Variants in ERC1 observed in about 807,000 individuals in gnomAD.
ERC1 encodes the protein RAB6 interacting protein 2.
Under a neutral mutation model 132.0 loss-of-function variants are expected in ERC1, and 56 were observed. The ratio of observed to expected loss-of-function variants is 0.42; its 90% CI spans 0.34 to 0.53. The LOEUF is 0.53. Among genes scored for constraint, ERC1 ranks in the 20% least tolerant of loss-of-function variants. The pLI is 0.03. For synonymous variants in ERC1, 478 were observed against 476.1 expected, an observed-to-expected ratio of 1.00 and a Z score of -0.05; for missense variants, 1,202 against 1,349.9, an observed-to-expected ratio of 0.89 and a Z score of 1.72.
At chr12:1,140,253 T>A (rs1949741143) in intron 7 of ERC1, among the ~76,000 whole-genome samples, 1 of 152,110 alleles carries the variant, frequency 6.6e-6, no homozygotes, top group Non-Finnish European at 1.5e-5. Flanking sequence ...TGTTAAGAAA[T>A]TTTCCATACT....
At chr12:1,309,639 A>T (rs2081141708) in intron 15 of ERC1, among the ~76,000 whole-genome samples, 1 of 148,392 alleles carries the variant, frequency 6.7e-6, no homozygotes, top group Non-Finnish European at 1.5e-5. Context: ...GTTATCTCTC[A>T]CTCTTGCTCT....
intron 1 of ERC1, among the ~76,000 whole-genome samples, chr12:1,018,779 T>G (rs1169234595): frequency 6.6e-6 from 1 of 152,170 alleles, no homozygotes; most frequent in Non-Finnish European, 1.5e-5. Flanking sequence ...GGAGATGGAG[T>G]AAGACATTCC....
At chr12:1,195,906 A>T (rs926722832) in intron 12 of ERC1, among the ~76,000 whole-genome samples, 3 of 131,338 alleles carry the variant, frequency 2.3e-5, no homozygotes, top group African/African-American at 8.5e-5. Context: ...TAATGGAAGC[A>T]ATCATTTTGA....
chr12:1,338,726 T>G (rs2083520495), intron 15 of ERC1, among the ~76,000 whole-genome samples: 1 of 152,220 alleles, frequency 6.6e-6, no homozygotes, highest in Non-Finnish European at 1.5e-5. Flanking sequence ...TTCTTCTTCT[T>G]CTTTTACACT....
Position 1,400,910 on chromosome 12 carries a change from TTTTGTA to T in ERC1, c.2926-7235_2926-7230del, listed in dbSNP as rs1250685791. The stretch of plus-strand genomic sequence containing the variant: ...TCTCATTCAATATTGTTTTGGCTAT[TTTTGTA>T]TTTTTTTTTTTTTTTTTTTTTTTTT... On this transcript the variant is annotated intron_variant, in intron 16 of 18. Coordinates refer to ENST00000360905, the MANE Select transcript of ERC1 (RefSeq NM_178040.4). Among the ~76,000 whole-genome samples, 324 of 77,302 alleles carry T rather than the reference TTTTGTA, an allele frequency of 4.2e-3. 68 individuals are homozygous for T. The highest frequency in any genetic ancestry group is 5.4e-3 in the African/African-American group (62 of 11,566). The allele number at this position is 77,302 out of a possible 152,430, so 50.7% of individuals were successfully genotyped here.
chr12:1,016,417 A>G (rs1295970765), intron 1 of ERC1, among the ~76,000 whole-genome samples: 4 of 152,132 alleles, frequency 2.6e-5, no homozygotes, highest in African/African-American at 4.8e-5. Context: ...TTTCTAATCT[A>G]TGAGGAGAGT....
intron 11 of ERC1, among the ~76,000 whole-genome samples, chr12:1,184,396 T>C (rs1954836938): frequency 6.6e-6 from 1 of 152,292 alleles, no homozygotes; most frequent in Admixed American, 6.5e-5. Context: ...CCTTCTACAT[T>C]AGGGTCTATT....
chr12:1,151,212 T>G (rs1191410248), intron 8 of ERC1, among the ~76,000 whole-genome samples: 1 of 152,234 alleles, frequency 6.6e-6, no homozygotes, highest in Non-Finnish European at 1.5e-5. Context: ...TGGAATGGCA[T>G]TCTTTTCAAA....
At chr12:1,102,699 G>A (rs1944805168) in intron 3 of ERC1, among the ~76,000 whole-genome samples, 1 of 152,162 alleles carries the variant, frequency 6.6e-6, no homozygotes, top group Non-Finnish European at 1.5e-5. Flanking sequence ...CTTAGCTTTT[G>A]TGGAGCGTAC....
At chr12:1,326,951 A>G (rs1168190110) in intron 15 of ERC1, among the ~76,000 whole-genome samples, 2 of 152,074 alleles carry the variant, frequency 1.3e-5, no homozygotes, top group African/African-American at 2.4e-5. Context: ...TGTACATCCT[A>G]CTAGAACTGA....
chr12:1,394,635 T>C (rs908513664), intron 16 of ERC1, among the ~76,000 whole-genome samples: 1 of 152,032 alleles, frequency 6.6e-6, no homozygotes, highest in Non-Finnish European at 1.5e-5. Flanking sequence ...GATCTGATGG[T>C]TTAAAAGTGT....
chr12:1,033,067 C>T (rs888561174), intron 2 of ERC1, among the ~76,000 whole-genome samples: 9 of 149,868 alleles, frequency 6.0e-5, no homozygotes, highest in East Asian at 4.0e-4. Flanking sequence ...ACAAGAGTCT[C>T]GCTCTGTTGC....
rs189676958 is a variant in ERC1, at chr12:1,256,217, C to T, written c.2488-6817C>T. On this transcript the variant is annotated intron_variant, in intron 13 of 18. Coordinates refer to ENST00000360905, the MANE Select transcript of ERC1 (RefSeq NM_178040.4). Reference sequence around the variant, plus strand: ...TGCCTGTTCACTCTGATGAAATCTACTTCTTTAAAAACAATTTTGAAATAC... The same window carrying T: ...TGCCTGTTCACTCTGATGAAATCTATTTCTTTAAAAACAATTTTGAAATAC... 3.2e-3 allele frequency among the ~76,000 whole-genome samples: 490 copies of T among 151,346 alleles called. 5 individuals carry two copies. Among genetic ancestry groups the T allele is most frequent in the African/African-American group, 9.5e-3 (390 of 41,226 alleles).
intron 16 of ERC1, among the ~76,000 whole-genome samples, chr12:1,383,282 C>T (rs151012890): frequency 6.6e-6 from 1 of 152,218 alleles, no homozygotes; most frequent in East Asian, 1.9e-4. Context: ...TTATAGCTGC[C>T]TTTCCTATGC....
At chr12:1,029,697 T>G (rs1257122262) in intron 2 of ERC1, among the ~76,000 whole-genome samples, 3 of 151,912 alleles carry the variant, frequency 2.0e-5, no homozygotes, top group African/African-American at 7.2e-5. Flanking sequence ...ACTCCAAAGA[T>G]GTGAACAAAT....
intron 8 of ERC1, among the ~76,000 whole-genome samples, chr12:1,154,034 G>A (rs73593920): frequency 0.042 from 6,448 of 151,982 alleles, 436 homozygotes; most frequent in African/African-American, 0.15. Context: ...ATACCACTCT[G>A]TATGCCTTTG....
intron 15 of ERC1, among the ~76,000 whole-genome samples, chr12:1,295,408 A>G (rs73031205): frequency 0.21 from 31,330 of 152,102 alleles, 3,802 homozygotes; most frequent in Non-Finnish European, 0.27. Flanking sequence ...GCCAGGTATC[A>G]TGATTCCTGG....
At chr12:1,206,863 TC>T (rs1339517863) in intron 12 of ERC1, among the ~76,000 whole-genome samples, 1 of 152,098 alleles carries the variant, frequency 6.6e-6, no homozygotes, top group Non-Finnish European at 1.5e-5. Context: ...GTGTGATAGT[TC>T]CTAACAACTT....
chr12:1,065,557 T>C (rs2154178449), intron 2 of ERC1, among the ~76,000 whole-genome samples: 1 of 142,598 alleles, frequency 7.0e-6, no homozygotes, highest in East Asian at 2.2e-4. Flanking sequence ...ATCATTATTT[T>C]TCATTTTTTT....
Sources: allele counts gnomAD v4.1 joint callset (sites outside exome capture counted in the v4.1 genomes callset), GRCh38; gene constraint gnomAD v4.1.1; transcripts MANE v1.5; gene names NCBI Gene and HGNC (gene_info 2026-07-23, HGNC 2026-07-21).